ZNF383: variants seen among roughly 807,000 people sequenced by gnomAD.
ZNF383 encodes the protein zinc finger protein 383.
Under a neutral mutation model 44.2 loss-of-function variants are expected in ZNF383, and 32 were observed. The observed-to-expected ratio is 0.72, with a 90% CI of 0.55 to 0.97. ZNF383 has a LOEUF of 0.97. Ranked by LOEUF, ZNF383 falls within the 50% of genes least tolerant of loss-of-function variation. ZNF383 has a pLI of 0.00. For synonymous variants in ZNF383, 155 were observed against 186.2 expected (o/e 0.83, Z 1.36); for missense variants, 487 against 562.5 (o/e 0.87, Z 1.36).
intron 1 of ZNF383, chr19:37,219,317 G>A: frequency 6.5e-6 from 1 of 153,166 alleles, no homozygotes; most frequent in Non-Finnish European, 1.5e-5. Context: ...GTGCAATGGC[G>A]CAATCTCGGC....
intron 5 of ZNF383, among the ~76,000 whole-genome samples, chr19:37,238,185 T>C (rs556251692): frequency 1.6e-4 from 24 of 152,076 alleles, no homozygotes; most frequent in Admixed American, 2.6e-4. Context: ...TACTATCACA[T>C]TGGCAACAGC....
rs761643489 is a variant in ZNF383, at chr19:37,243,004, T to C, written c.768T>C (p.Cys256=). The change falls in exon 6 of 6, where the codon TGT becomes TGC. Residue 256 remains cysteine, a synonymous_variant. Transcript: ENST00000684119. ...ATACCGGTAAGAAACCCTATGAATG[T>C]AAGGAATGTGGGAAGGCCTTTAGTT... is the stretch of plus-strand genomic sequence containing the variant. ...RIHTGKKPYE[C]KECGKAFSYC... 6 of 1,614,118 alleles carry C rather than the reference T, an allele frequency of 3.7e-6. No homozygotes were observed. Among genetic ancestry groups the C allele is most frequent in the Non-Finnish European group, 5.1e-6 (6 of 1,180,014 alleles).
At chr19:37,241,594 C>A (rs575579925) in intron 5 of ZNF383, among the ~76,000 whole-genome samples, 3 of 152,274 alleles carry the variant, frequency 2.0e-5, no homozygotes, top group African/African-American at 7.2e-5. Flanking sequence ...CACTCAATCT[C>A]TAGCCTCTCT....
intron 5 of ZNF383, among the ~76,000 whole-genome samples, chr19:37,240,907 A>G (rs1312039242): frequency 1.3e-5 from 2 of 152,164 alleles, no homozygotes; most frequent in South Asian, 2.1e-4. Context: ...CCTGGGTTCA[A>G]GCAGTTCTTC....
At chr19:37,241,054 GC>G (rs973242397) in intron 5 of ZNF383, among the ~76,000 whole-genome samples, 158 of 152,280 alleles carry the variant, frequency 1.0e-3, no homozygotes, top group African/African-American at 3.7e-3. Context: ...TGATCTGCCC[GC>G]CTCGTCCTCC....
chr19:37,243,646 A>C lies in ZNF383; in HGVS notation c.1410A>C (p.Gly470=), dbSNP rs749118477. The part of the protein sequence containing the change: ...SSGSDLIRHQ[G]IHTNK ...GCTCGGATCTCATTCGTCATCAGGG[A>C]ATTCATACTAATAAATAATAAAAAT... The change falls in exon 6 of 6, where the codon GGA becomes GGC. Residue 470 remains glycine, a synonymous_variant. Transcript: ENST00000684119. The C allele has an allele frequency of 1.8e-5, 28 of 1,532,738 alleles. No homozygotes were observed. Among genetic ancestry groups the C allele is most frequent in the Non-Finnish European group, 2.5e-5 (28 of 1,141,248 alleles). 94.9% of individuals were successfully genotyped at this position (1,532,738 alleles called of 1,614,324 possible).
At chr19:37,239,558 TG>T (rs1287691631) in intron 5 of ZNF383, among the ~76,000 whole-genome samples, 1 of 152,106 alleles carries the variant, frequency 6.6e-6, no homozygotes, top group Non-Finnish European at 1.5e-5. Context: ...ATGCCAGTGT[TG>T]GTGGGCCCCA....
intron 5 of ZNF383, among the ~76,000 whole-genome samples, chr19:37,241,634 T>C (rs1181111020): frequency 6.6e-6 from 1 of 152,170 alleles, no homozygotes; most frequent in African/African-American, 2.4e-5. Flanking sequence ...CAGCTGCAAG[T>C]CCCACCCTTG....
intron 5 of ZNF383, 102 bp from the exon 6 acceptor site, chr19:37,242,367 C>T (rs1192611012): frequency 8.5e-6 from 6 of 702,938 alleles, no homozygotes; most frequent in Non-Finnish European, 1.4e-5. Context: ...TGTCATTTAC[C>T]TAGTAGATAC....
intron 3 of ZNF383, among the ~76,000 whole-genome samples, chr19:37,233,165 C>T (rs570051286): frequency 5.9e-5 from 9 of 152,198 alleles, no homozygotes; most frequent in African/African-American, 1.9e-4. Flanking sequence ...GAGTCTTGCT[C>T]TGTCGCCCAG....
chr19:37,243,789 C>A lies in ZNF383; in HGVS notation c.*125C>A. On this transcript the variant is annotated 3_prime_UTR_variant, in exon 6 of 6. Coordinates refer to ENST00000684119, the MANE Select transcript of ZNF383 (RefSeq NM_001387601.1). ...ATTTTGTATCCAAATGTATTTCATT[C>A]CAGGTTATAAATTCGGAGTCTAAAG... The A allele has an allele frequency of 1.5e-6, 1 of 647,486 alleles. No homozygotes were observed. The highest frequency in any genetic ancestry group is 2.4e-6 in the Non-Finnish European group (1 of 412,736). The allele number at this position is 647,486 out of a possible 1,614,324, so 40.1% of individuals were successfully genotyped here.
chr19:37,221,850 G>A (rs1159266008), intron 1 of ZNF383, among the ~76,000 whole-genome samples: 4 of 151,366 alleles, frequency 2.6e-5, no homozygotes, highest in Non-Finnish European at 4.4e-5. Flanking sequence ...CAGCTACTTG[G>A]GAAGCTGAGG....
At chr19:37,242,404 T>C (rs1014574722) in intron 5 of ZNF383, 65 bp from the exon 6 acceptor site, 3 of 1,089,968 alleles carry the variant, frequency 2.8e-6, no homozygotes, top group Non-Finnish European at 4.0e-6. Context: ...TTTCCATTTC[T>C]ATTATAAAAG....
chr19:37,223,171 A>G (rs555601339), intron 1 of ZNF383, among the ~76,000 whole-genome samples: 1 of 152,220 alleles, frequency 6.6e-6, no homozygotes, highest in Non-Finnish European at 1.5e-5. Context: ...CAATAAAGCT[A>G]TATGGTATTT....
intron 2 of ZNF383, among the ~76,000 whole-genome samples, chr19:37,229,726 GTA>G (rs1367892454): frequency 8.5e-5 from 12 of 141,126 alleles, no homozygotes; most frequent in East Asian, 6.1e-4. Flanking sequence ...GTATATATAT[GTA>G]TATATATGTG....
At chr19:37,234,483 G>T (rs1973669403) in intron 3 of ZNF383, among the ~76,000 whole-genome samples, 1 of 152,128 alleles carries the variant, frequency 6.6e-6, no homozygotes, top group African/African-American at 2.4e-5. Context: ...CCGCCTCCCG[G>T]ATTCACGCCA....
chr19:37,237,712 C>T (rs1022410655), intron 5 of ZNF383, among the ~76,000 whole-genome samples: 2 of 152,132 alleles, frequency 1.3e-5, no homozygotes, highest in Admixed American at 6.5e-5. Flanking sequence ...CTGATGAGGG[C>T]CTTCTTGCAT....
intron 1 of ZNF383, among the ~76,000 whole-genome samples, chr19:37,221,862 G>A (rs1419662798): frequency 5.3e-5 from 8 of 151,312 alleles, no homozygotes; most frequent in South Asian, 2.1e-4. Context: ...AAGCTGAGGC[G>A]GGAGAATTGT....
chr19:37,235,213 C>T (rs528122941), intron 3 of ZNF383, among the ~76,000 whole-genome samples: 5 of 150,666 alleles, frequency 3.3e-5, no homozygotes, highest in East Asian at 2.0e-4. Flanking sequence ...GCGGAGGTTG[C>T]GGTGAGCCGA....
Sources: allele counts gnomAD v4.1 joint callset (sites outside exome capture counted in the v4.1 genomes callset), GRCh38; gene constraint gnomAD v4.1.1; transcripts MANE v1.5; gene names NCBI Gene and HGNC (gene_info 2026-07-23, HGNC 2026-07-21).